Variants in TEAD1 observed in about 807,000 individuals in gnomAD.
TEAD1 encodes the protein transcriptional enhancer factor TEF-1.
TEAD1 carries 9 observed loss-of-function variants against 54.9 expected under a neutral mutation model. The ratio of observed to expected loss-of-function variants is 0.16; its 90% CI spans 0.10 to 0.29. The LOEUF is 0.29. Ranked by LOEUF, TEAD1 falls within the 10% of genes least tolerant of loss-of-function variation. The pLI, the probability that TEAD1 is intolerant of heterozygous loss-of-function variation, is 1.00. For synonymous variants in TEAD1, 200 were observed against 187.8 expected (o/e 1.07, Z -0.53); for missense variants, 387 against 535.9 (o/e 0.72, Z 2.74).
intron 9 of TEAD1, among the ~76,000 whole-genome samples, chr11:12,897,861 G>C (rs982578543): frequency 3.9e-5 from 6 of 152,160 alleles, no homozygotes; most frequent in Non-Finnish European, 7.3e-5. Context: ...AACGGTGTTA[G>C]AAAGGCTTAG....
At chr11:12,724,381 C>T (rs1944272697) in intron 2 of TEAD1, among the ~76,000 whole-genome samples, 1 of 152,230 alleles carries the variant, frequency 6.6e-6, no homozygotes, top group Non-Finnish European at 1.5e-5. Context: ...CCTTCCCGCA[C>T]ACCTCTCGGG....
intron 10 of TEAD1, among the ~76,000 whole-genome samples, chr11:12,910,921 A>AT (rs373115221): frequency 6.6e-6 from 1 of 151,644 alleles, no homozygotes; most frequent in Non-Finnish European, 1.5e-5. Context: ...TAATTTTTGT[A>AT]TTTTTGGTAG....
intron 3 of TEAD1, among the ~76,000 whole-genome samples, chr11:12,856,305 G>A (rs1947377773): frequency 6.6e-6 from 1 of 152,096 alleles, no homozygotes; most frequent in South Asian, 2.1e-4. Context: ...AGGACTTTAT[G>A]ACTTGGTTGC....
In TEAD1 at chr11:12,826,700, G is replaced by A. The variant is rs139205732; in HGVS notation, c.203-35550G>A. On this transcript the variant is annotated intron_variant, in intron 3 of 12. Coordinates refer to ENST00000527636, the MANE Select transcript of TEAD1 (RefSeq NM_021961.6). ...AGATAAGAAAATTCCTTTTCTCTTA[G>A]TGTTGCTTTGAGCATCAAATGAAAA... is the stretch of plus-strand genomic sequence containing the variant. Among the ~76,000 whole-genome samples, 100 of 152,266 alleles carry A rather than the reference G, an allele frequency of 6.6e-4. 1 individual carries two copies. Among genetic ancestry groups the A allele is most frequent in the African/African-American group, 2.2e-3 (92 of 41,550 alleles).
At chr11:12,755,758 T>G (rs1259051825) in intron 2 of TEAD1, among the ~76,000 whole-genome samples, 1 of 152,228 alleles carries the variant, frequency 6.6e-6, no homozygotes, top group Non-Finnish European at 1.5e-5. Flanking sequence ...GGGCATGCAC[T>G]GTCTTGGTAT....
intron 2 of TEAD1, among the ~76,000 whole-genome samples, chr11:12,719,548 C>T (rs1000050539): frequency 8.4e-5 from 12 of 143,328 alleles, no homozygotes; most frequent in Non-Finnish European, 1.8e-4. Flanking sequence ...GCTGACTCTC[C>T]CCTTTCTCTT....
rs1433840624 is a variant in TEAD1 at position 12,869,254 on chromosome 11, C to T, written c.330+4354C>T. Among the ~76,000 whole-genome samples the T allele has an allele frequency of 3.9e-5, 6 of 152,232 alleles. No individual in the cohort carries two copies. In the South Asian group the frequency reaches 8.3e-4, roughly 21 times the overall value. ...AATAAGAGGGAGGCCAAGCTGGAGT[C>T]AGGGAGGCTAATTCCTGGGCTGCTT... On this transcript the variant is annotated intron_variant, in intron 5 of 12. Coordinates refer to ENST00000527636, the MANE Select transcript of TEAD1 (RefSeq NM_021961.6).
intron 2 of TEAD1, among the ~76,000 whole-genome samples, chr11:12,690,663 T>A (rs1393116674): frequency 2.0e-5 from 3 of 152,240 alleles, no homozygotes; most frequent in Non-Finnish European, 4.4e-5. Flanking sequence ...ATGTACAGTG[T>A]CACTTTTTCT....
chr11:12,766,192 A>T (rs543008921), intron 3 of TEAD1, among the ~76,000 whole-genome samples: 130 of 152,338 alleles, frequency 8.5e-4, no homozygotes, highest in Non-Finnish European at 1.4e-3. Flanking sequence ...TCCTTTCAGG[A>T]ATAAGGTTTT....
At chr11:12,904,436 A>G (rs1260371892) in intron 10 of TEAD1, among the ~76,000 whole-genome samples, 2 of 152,206 alleles carry the variant, frequency 1.3e-5, no homozygotes, top group African/African-American at 2.4e-5. Flanking sequence ...ATGTAATTTG[A>G]TATTGTGTTA....
intron 3 of TEAD1, among the ~76,000 whole-genome samples, chr11:12,807,848 G>T (rs1386047063): frequency 6.6e-6 from 1 of 152,208 alleles, no homozygotes; most frequent in Non-Finnish European, 1.5e-5. Flanking sequence ...ACTGAGAGTT[G>T]CACTGGGTGC....
Position 12,764,257 on chromosome 11 carries a change from A to G in TEAD1, c.25A>G (p.Ser9Gly), listed in dbSNP as rs775845697. The G allele has an allele frequency of 3.7e-6, 6 of 1,614,122 alleles. No homozygotes were observed. Among genetic ancestry groups the G allele is most frequent in the Non-Finnish European group, 5.1e-6 (6 of 1,180,014 alleles). The change falls in exon 3 of 13, where the codon AGT (serine) becomes GGT (glycine). Residue 9 changes from serine to glycine, a missense_variant. Coordinates refer to ENST00000527636, the MANE Select transcript of TEAD1 (RefSeq NM_021961.6). The stretch of plus-strand genomic sequence containing the variant: ...AATTGAGCCCAGCAGCTGGAGCGGC[A>G]GTGAGAGCCCTGCCGAAAACATGGA...
chr11:12,931,411 G>C (rs938173359), intron 12 of TEAD1, among the ~76,000 whole-genome samples: 4 of 152,172 alleles, frequency 2.6e-5, no homozygotes, highest in Admixed American at 1.3e-4. Context: ...TAGCAAAAGA[G>C]GGGCAACAAG....
chr11:12,925,446 C>A (rs1446980874), intron 11 of TEAD1, among the ~76,000 whole-genome samples: 1 of 152,182 alleles, frequency 6.6e-6, no homozygotes, highest in Non-Finnish European at 1.5e-5. Flanking sequence ...GGGCCACCTG[C>A]CACCAGGCCC....
At chr11:12,828,014 CTT>C (rs1352170608) in intron 3 of TEAD1, 1 of 152,232 alleles carries the variant, frequency 6.6e-6, no homozygotes, top group Non-Finnish European at 1.5e-5. Flanking sequence ...GTTGGTGAGA[CTT>C]TAGACAAGAA....
rs192054941 is a variant in TEAD1, at chr11:12,917,381, G to A, written c.874-7531G>A. Among the ~76,000 whole-genome samples, 417 of 152,196 alleles carry A rather than the reference G, an allele frequency of 2.7e-3. 2 individuals carry two copies. The highest frequency in any genetic ancestry group is 4.5e-3 in the Non-Finnish European group (309 of 68,016). ...CTAGTTCCTTGATCTTAGCCAGCCT[G>A]GAGCTGAATTAAATTTCTGACCTAC... On this transcript the variant is annotated intron_variant, in intron 10 of 12. Coordinates refer to ENST00000527636, the MANE Select transcript of TEAD1 (RefSeq NM_021961.6).
intron 2 of TEAD1, among the ~76,000 whole-genome samples, chr11:12,739,268 C>G (rs913868375): frequency 1.3e-5 from 2 of 152,102 alleles, no homozygotes; most frequent in African/African-American, 4.8e-5. Context: ...TGTCATCTAT[C>G]TACAATCTTT....
chr11:12,787,435 G>A (rs112559576), intron 3 of TEAD1, among the ~76,000 whole-genome samples: 25 of 152,316 alleles, frequency 1.6e-4, no homozygotes, highest in African/African-American at 6.0e-4. Flanking sequence ...AGAAAGAGTA[G>A]TGGTGTGGTG....
chr11:12,681,881 A>G (rs1393020544), intron 2 of TEAD1, among the ~76,000 whole-genome samples: 1 of 152,166 alleles, frequency 6.6e-6, no homozygotes, highest in African/African-American at 2.4e-5. Flanking sequence ...CTAACTCAGG[A>G]TGGTTCTGAC....
Sources: allele counts gnomAD v4.1 joint callset (sites outside exome capture counted in the v4.1 genomes callset), GRCh38; gene constraint gnomAD v4.1.1; transcripts MANE v1.5; gene names NCBI Gene and HGNC (gene_info 2026-07-23, HGNC 2026-07-21).